Variants in CCDC73 observed in about 807,000 individuals in gnomAD.
CCDC73 encodes the protein coiled-coil domain containing 73, also known as coiled-coil domain-containing protein 73.
A neutral mutation model predicts 116.5 loss-of-function variants in CCDC73; 95 were observed. The observed-to-expected ratio is 0.82, with a 90% CI of 0.69 to 0.97. The LOEUF is 0.97. Ranked by LOEUF, CCDC73 falls within the 50% of genes least tolerant of loss-of-function variation. CCDC73 has a pLI of 0.00. For missense variants in CCDC73, 1,066 were observed against 1,206.8 expected (o/e 0.88, Z 1.73); for synonymous variants, 398 against 401.3 (o/e 0.99, Z 0.10).
the CCDC73 span, among the ~76,000 whole-genome samples, chr11:32,811,375 C>G: frequency 6.6e-6 from 1 of 151,952 alleles, no homozygotes; most frequent in Non-Finnish European, 1.5e-5. Context: ...ATACATGTTC[C>G]TAACTTTCAT....
At chr11:32,613,081 G>A (rs1202525660) in intron 16 of CCDC73, among the ~76,000 whole-genome samples, 2 of 152,128 alleles carry the variant, frequency 1.3e-5, no homozygotes, top group Non-Finnish European at 2.9e-5. Flanking sequence ...TCTGGTGTGG[G>A]TGAAGGGACA....
chr11:32,668,202 C>T (rs1856005442), intron 9 of CCDC73, among the ~76,000 whole-genome samples: 1 of 152,062 alleles, frequency 6.6e-6, no homozygotes, highest in African/African-American at 2.4e-5. Context: ...GAATTATTTT[C>T]CCTACTGGTA....
chr11:32,681,509 C>T (rs1334744142), intron 7 of CCDC73: 2 of 151,918 alleles, frequency 1.3e-5, no homozygotes, highest in Non-Finnish European at 2.9e-5. Context: ...ATCACCACCT[C>T]TAAAAGAAAA....
intron 2 of CCDC73, among the ~76,000 whole-genome samples, chr11:32,751,176 T>A (rs890881554): frequency 6.6e-6 from 1 of 152,206 alleles, no homozygotes. Context: ...GTGGCAAAGC[T>A]GGTATCCAAG....
At chr11:32,687,565 G>C (rs1246933004) in intron 6 of CCDC73, among the ~76,000 whole-genome samples, 2 of 152,140 alleles carry the variant, frequency 1.3e-5, no homozygotes, top group Non-Finnish European at 2.9e-5. Flanking sequence ...CTTGTAGTTT[G>C]GGATTGTAAT....
chr11:32,656,391 T>C (rs190342024), intron 9 of CCDC73, among the ~76,000 whole-genome samples: 1 of 152,272 alleles, frequency 6.6e-6, no homozygotes, highest in Non-Finnish European at 1.5e-5. Flanking sequence ...TTTTTCTACA[T>C]TATAAGAGCC....
intron 10 of CCDC73, 55 bp from the exon 11 acceptor site, chr11:32,654,092 T>C (rs1855850536): frequency 2.7e-6 from 4 of 1,478,914 alleles, no homozygotes; most frequent in South Asian, 1.2e-5. Flanking sequence ...AAATTCTACA[T>C]TCAATTCAGT....
At chr11:32,639,416 TA>T (rs1855712401) in intron 13 of CCDC73, among the ~76,000 whole-genome samples, 3 of 152,118 alleles carry the variant, frequency 2.0e-5, no homozygotes, top group African/African-American at 7.2e-5. Context: ...TAACACATAG[TA>T]TATGCTCAAT....
At chr11:32,806,601 C>T in the CCDC73 span, among the ~76,000 whole-genome samples, 1 of 145,774 alleles carries the variant, frequency 6.9e-6, no homozygotes, top group East Asian at 2.0e-4. Context: ...TCTAGCCTGG[C>T]AGCCTGGGTG....
At chr11:32,751,541 G>A (rs1405272349) in intron 2 of CCDC73, among the ~76,000 whole-genome samples, 2 of 152,198 alleles carry the variant, frequency 1.3e-5, no homozygotes, top group African/African-American at 4.8e-5. Context: ...GAATGCACCC[G>A]CCATAGACAC....
chr11:32,663,666 T>G (rs1236815990), intron 9 of CCDC73, among the ~76,000 whole-genome samples: 1 of 152,212 alleles, frequency 6.6e-6, no homozygotes, highest in Non-Finnish European at 1.5e-5. Context: ...TTGAATACCC[T>G]TTATTTCTTT....
intron 14 of CCDC73, among the ~76,000 whole-genome samples, chr11:32,627,659 T>C (rs1451155243): frequency 6.6e-6 from 1 of 152,336 alleles, no homozygotes; most frequent in Middle Eastern, 3.4e-3. Context: ...GATGAGTTCA[T>C]GTCCTTTGTA....
the CCDC73 span, among the ~76,000 whole-genome samples, chr11:32,815,654 G>T: frequency 1.3e-5 from 2 of 152,102 alleles, no homozygotes; most frequent in Non-Finnish European, 2.9e-5. Context: ...CCTTTGGTTG[G>T]TATCATCTTT....
intron 1 of CCDC73, among the ~76,000 whole-genome samples, chr11:32,769,418 T>C (rs1422255428): frequency 6.6e-6 from 1 of 152,084 alleles, no homozygotes; most frequent in Non-Finnish European, 1.5e-5. Flanking sequence ...ATACCTCTCA[T>C]ATAGTAAGGT....
chr11:32,701,159 A>G (rs1461673570), intron 4 of CCDC73, among the ~76,000 whole-genome samples: 1 of 152,118 alleles, frequency 6.6e-6, no homozygotes, highest in Non-Finnish European at 1.5e-5. Context: ...CCCAGTTCAA[A>G]ATTAGCAATT....
At chr11:32,608,336 G>A (rs1047053562) in intron 17 of CCDC73, among the ~76,000 whole-genome samples, 11 of 152,126 alleles carry the variant, frequency 7.2e-5, no homozygotes, top group African/African-American at 2.7e-4. Context: ...GGAGGGGTGG[G>A]GTACAGGCAT....
intron 5 of CCDC73, 21 bp downstream of exon 5, chr11:32,700,770 T>G (rs1325326018): frequency 7.8e-7 from 1 of 1,275,228 alleles, no homozygotes. Context: ...AGACAGAAAA[T>G]TTTAAAAAAA....
chr11:32,688,528 T>C (rs568560221), intron 6 of CCDC73, among the ~76,000 whole-genome samples: 1 of 152,328 alleles, frequency 6.6e-6, no homozygotes, highest in African/African-American at 2.4e-5. Flanking sequence ...TGAAACTGAA[T>C]GAGTCCTGAA....
At chr11:32,698,318 C>A (rs1042753114) in intron 6 of CCDC73, among the ~76,000 whole-genome samples, 1 of 152,146 alleles carries the variant, frequency 6.6e-6, no homozygotes, top group Non-Finnish European at 1.5e-5. Flanking sequence ...GCCACCACGC[C>A]CAGCCAACAC....
Sources: allele counts gnomAD v4.1 joint callset (sites outside exome capture counted in the v4.1 genomes callset), GRCh38; gene constraint gnomAD v4.1.1; transcripts MANE v1.5; gene names NCBI Gene and HGNC (gene_info 2026-07-23, HGNC 2026-07-21).